MED13L: variants seen among roughly 807,000 people sequenced by gnomAD.
MED13L encodes the protein mediator of RNA polymerase II transcription subunit 13-like.
Under a neutral mutation model 220.9 loss-of-function variants are expected in MED13L, and 7 were observed. The ratio of observed to expected loss-of-function variants is 0.03; its 90% CI spans 0.02 to 0.06. MED13L has a LOEUF of 0.06. Among genes scored for constraint, MED13L ranks in the 10% least tolerant of loss-of-function variants. The pLI, the probability that MED13L is intolerant of heterozygous loss-of-function variation, is 1.00. For missense variants in MED13L, 1,965 were observed against 2,760.5 expected (o/e 0.71, Z 6.46); for synonymous variants, 1,011 against 1,015.2 (o/e 1.00, Z 0.08).
At chr12:116,033,044 T>C (rs1487561934) in intron 4 of MED13L, among the ~76,000 whole-genome samples, 1 of 151,974 alleles carries the variant, frequency 6.6e-6, no homozygotes, top group Non-Finnish European at 1.5e-5. Flanking sequence ...GTTTCTGGGA[T>C]CTACTTAGGA....
intron 9 of MED13L, among the ~76,000 whole-genome samples, chr12:116,010,575 C>T (rs889237303): frequency 4.6e-5 from 7 of 152,032 alleles, no homozygotes; most frequent in Non-Finnish European, 7.3e-5. Flanking sequence ...AATCACAGTG[C>T]GTCTCAGCAG....
chr12:116,226,797 A>G (rs1869047708), intron 2 of MED13L, among the ~76,000 whole-genome samples: 1 of 151,268 alleles, frequency 6.6e-6, no homozygotes, highest in African/African-American at 2.4e-5. Context: ...CGAACTCCGG[A>G]CGTGGAGGTT....
chr12:116,185,331 C>T (rs1310021450), intron 2 of MED13L, among the ~76,000 whole-genome samples: 2 of 151,310 alleles, frequency 1.3e-5, no homozygotes, highest in East Asian at 3.9e-4. Context: ...TACTTGATCA[C>T]TATAACACAA....
At chr12:116,263,146 G>T (rs1311069784) in intron 1 of MED13L, among the ~76,000 whole-genome samples, 6 of 152,070 alleles carry the variant, frequency 3.9e-5, no homozygotes, top group Middle Eastern at 3.4e-3. Flanking sequence ...GAAAATTTTT[G>T]AAGTACCTTT....
intron 4 of MED13L, among the ~76,000 whole-genome samples, chr12:116,078,251 T>C (rs1006395995): frequency 2.0e-5 from 3 of 152,092 alleles, no homozygotes; most frequent in Non-Finnish European, 4.4e-5. Flanking sequence ...TCTTGGGTAA[T>C]TCTAAATGCC....
intron 1 of MED13L, among the ~76,000 whole-genome samples, chr12:116,270,905 A>G (rs1873254710): frequency 1.3e-5 from 2 of 151,544 alleles, no homozygotes; most frequent in African/African-American, 4.8e-5. Flanking sequence ...AGCTGGGCAT[A>G]GTGGCGCGCG....
At chr12:116,105,561 T>TA (rs1233335683) in intron 3 of MED13L, among the ~76,000 whole-genome samples, 2 of 151,832 alleles carry the variant, frequency 1.3e-5, no homozygotes, top group Admixed American at 1.3e-4. Context: ...AAATTACAAA[T>TA]AAAAAATGTA....
chr12:116,138,515 G>A (rs1013656256), intron 2 of MED13L, among the ~76,000 whole-genome samples: 6 of 152,294 alleles, frequency 3.9e-5, no homozygotes, highest in East Asian at 1.9e-4. Context: ...AAGCTACAGC[G>A]TCTTTTTATG....
rs569755553 is a variant in MED13L at position 115,970,465 on chromosome 12, C to A, written c.6067+129G>T. The A allele has an allele frequency of 2.1e-5, 19 of 898,208 alleles. No homozygotes were observed. The South Asian group carries it at 2.8e-4, about 13-fold the overall frequency. The allele number at this position is 898,208 out of a possible 1,614,324, so 55.6% of individuals were successfully genotyped here. A position where few individuals can be genotyped will look rare whatever the true frequency, so the allele number is the denominator to read the frequency against. ...AAGACCAAATAGATTCTCAAACCTT[C>A]TATCCCCTCTTTATAGTTCCTGGGT... On this transcript the variant is annotated intron_variant, in intron 27 of 30. Transcript: ENST00000281928.
chr12:116,247,356 C>G (rs947112609), intron 1 of MED13L, among the ~76,000 whole-genome samples: 10 of 152,162 alleles, frequency 6.6e-5, no homozygotes, highest in Non-Finnish European at 1.2e-4. Flanking sequence ...AATTCCTAAA[C>G]TGAAGAACAA....
rs532309573 is a variant in MED13L, at chr12:116,250,076, T to C, written c.73-12371A>G. 3.6e-4 allele frequency among the ~76,000 whole-genome samples: 51 copies of C among 140,518 alleles called. 1 individual carries two copies. The highest frequency in any genetic ancestry group is 2.3e-4 in the South Asian group (1 of 4,376). 92.2% of individuals were successfully genotyped at this position (140,518 alleles called of 152,430 possible). On this transcript the variant is annotated intron_variant, in intron 1 of 30. Coordinates refer to ENST00000281928, the MANE Select transcript of MED13L (RefSeq NM_015335.5). Reference sequence around the variant, plus strand: ...ACACCAAAATACATCAAAATAAAATTTGTAAAAACCAGTGATAAAAAGGAA... The same window carrying C: ...ACACCAAAATACATCAAAATAAAATCTGTAAAAACCAGTGATAAAAAGGAA...
intron 2 of MED13L, among the ~76,000 whole-genome samples, chr12:116,149,582 C>T (rs984032977): frequency 5.3e-5 from 8 of 152,302 alleles, no homozygotes; most frequent in African/African-American, 1.9e-4. Context: ...AAACAGTATC[C>T]GGTATTTGTG....
chr12:116,261,017 T>C (rs1872474004), intron 1 of MED13L, among the ~76,000 whole-genome samples: 1 of 152,092 alleles, frequency 6.6e-6, no homozygotes, highest in Non-Finnish European at 1.5e-5. Context: ...TCCATGCCCA[T>C]TTCTTATAAC....
chr12:116,191,684 T>C (rs1048127895), intron 2 of MED13L, among the ~76,000 whole-genome samples: 30 of 152,048 alleles, frequency 2.0e-4, no homozygotes, highest in African/African-American at 7.0e-4. Flanking sequence ...TTTAAGAGCA[T>C]AGAAATATGC....
At chr12:115,986,132 C>A (rs756916301) in intron 19 of MED13L, 134 bp downstream of exon 19, 1 of 909,730 alleles carries the variant, frequency 1.1e-6, no homozygotes, top group South Asian at 1.4e-5. Flanking sequence ...CAATTCAATT[C>A]TCTTCTTCAT....
chr12:116,050,611 T>C (rs778963102), intron 4 of MED13L, among the ~76,000 whole-genome samples: 7 of 152,104 alleles, frequency 4.6e-5, no homozygotes, highest in Non-Finnish European at 1.0e-4. Context: ...CGTATAAGTA[T>C]CAAGAGTCTC....
At chr12:116,102,697 CTTTTTCTTTTTTCTTT>C (rs1407352807) in intron 3 of MED13L, among the ~76,000 whole-genome samples, 7 of 73,274 alleles carry the variant, frequency 9.6e-5, no homozygotes, top group African/African-American at 3.1e-4. Flanking sequence ...TTTTCTTTTT[CTTTTTCTTTTTTCTTT>C]TTTTTTTTTT....
chr12:116,269,960 T>C (rs1873154945), intron 1 of MED13L, among the ~76,000 whole-genome samples: 1 of 151,784 alleles, frequency 6.6e-6, no homozygotes, highest in African/African-American at 2.4e-5. Context: ...TTTTCTTTTT[T>C]TTTTTCAAAC....
At chr12:116,079,218 G>A (rs1871043793) in intron 4 of MED13L, among the ~76,000 whole-genome samples, 1 of 151,946 alleles carries the variant, frequency 6.6e-6, no homozygotes, top group Non-Finnish European at 1.5e-5. Flanking sequence ...TTTATTTGGT[G>A]GTGGTGGTGG....
Sources: gnomAD v4.1 joint callset for allele counts (sites outside exome capture counted in the v4.1 genomes callset) on GRCh38, gnomAD v4.1.1 for gene constraint, MANE v1.5 for transcripts, NCBI Gene and HGNC (gene_info 2026-07-23, HGNC 2026-07-21) for gene names.